PMFBP1: variants seen among roughly 807,000 people sequenced by gnomAD.
PMFBP1 encodes polyamine-modulated factor 1-binding protein 1.
PMFBP1 carries 131 observed loss-of-function variants against 137.8 expected under a neutral mutation model. The observed-to-expected ratio is 0.95, with a 90% CI of 0.82 to 1.10. PMFBP1 has a LOEUF of 1.10. Among genes scored for constraint, PMFBP1 ranks in the 50% least tolerant of loss-of-function variants. The pLI, the probability that PMFBP1 is intolerant of heterozygous loss-of-function variation, is 0.00. For missense variants in PMFBP1, 1,199 were observed against 1,175.4 expected (o/e 1.02, Z -0.29); for synonymous variants, 490 against 450.4 (o/e 1.09, Z -1.11).
chr16:72,156,446 G>A (rs1211976566), intron 3 of PMFBP1, among the ~76,000 whole-genome samples: 2 of 151,678 alleles, frequency 1.3e-5, no homozygotes, highest in South Asian at 2.1e-4. Flanking sequence ...GTGAAACCCC[G>A]TCTCCACTAA....
Position 72,124,815 on chromosome 16 carries a change from C to T in PMFBP1, c.2541G>A (p.Gln847=), listed in dbSNP as rs752567331. ...AAKEEQLREF[Q]EEMAALKENL... Reference sequence around the variant, plus strand: ...TCTCTTTTAAGGCGGCCATCTCCTCCTGGAACTCCCTGAGCTGCTCCTCTT... The same window carrying T: ...TCTCTTTTAAGGCGGCCATCTCCTCTTGGAACTCCCTGAGCTGCTCCTCTT... Residue 847 remains glutamine, a synonymous_variant, in exon 17 of 21, where the codon CAG becomes CAA. Transcript: ENST00000237353. 11 of 1,614,062 alleles carry T rather than the reference C, an allele frequency of 6.8e-6. No individual in the cohort carries two copies. The African/African-American group carries it at 1.3e-4, about 20-fold the overall frequency.
chr16:72,149,262 G>C (rs1158278731), intron 5 of PMFBP1, among the ~76,000 whole-genome samples: 1 of 152,208 alleles, frequency 6.6e-6, no homozygotes, highest in Non-Finnish European at 1.5e-5. Context: ...AAAACGTACA[G>C]TGTGGATGGG....
chr16:72,156,476 C>T (rs1159825752), intron 3 of PMFBP1, among the ~76,000 whole-genome samples: 2 of 151,866 alleles, frequency 1.3e-5, no homozygotes, highest in East Asian at 3.9e-4. Context: ...AAAAATTAGC[C>T]AGGCGTGGTG....
chr16:72,128,571 T>C, intron 14 of PMFBP1, 86 bp downstream of exon 14: 3 of 1,610,784 alleles, frequency 1.9e-6, no homozygotes, highest in Non-Finnish European at 2.5e-6. Flanking sequence ...GCTGCATTTC[T>C]GTGTGGAGGA....
chr16:72,242,804 T>C, the PMFBP1 span, among the ~76,000 whole-genome samples: 1 of 152,188 alleles, frequency 6.6e-6, no homozygotes, highest in Non-Finnish European at 1.5e-5. Context: ...CTGGCCCATA[T>C]AAAAAGGCAG....
In PMFBP1 at chr16:72,136,839, G is replaced by C; in HGVS notation, c.919-20C>G. On this transcript the variant is annotated intron_variant, in intron 7 of 20. Coordinates refer to ENST00000237353, the MANE Select transcript of PMFBP1 (RefSeq NM_031293.3). ...CAGTATCTGGCAGATGGAAGAACAG[G>C]GCAGGATGAGGAGATGAGAGACAAT... is the stretch of plus-strand genomic sequence containing the variant. 1.2e-6 allele frequency: 2 copies of C among 1,613,850 alleles called. No homozygotes were observed. The highest frequency in any genetic ancestry group is 8.5e-7 in the Non-Finnish European group (1 of 1,180,012).
At chr16:72,141,083 T>TG (rs1486325776) in intron 5 of PMFBP1, among the ~76,000 whole-genome samples, 4 of 152,004 alleles carry the variant, frequency 2.6e-5, no homozygotes, top group African/African-American at 7.2e-5. Context: ...TACAGGCATG[T>TG]GCCACCATGC....
intron 19 of PMFBP1, among the ~76,000 whole-genome samples, chr16:72,121,319 T>C (rs1301736193): frequency 6.6e-6 from 1 of 151,904 alleles, no homozygotes; most frequent in East Asian, 1.9e-4. Flanking sequence ...GGAGAGGGGG[T>C]CTCAGCAGTG....
chr16:72,122,913 C>T lies in PMFBP1; in HGVS notation c.2768+1G>A, dbSNP rs747605148. The T allele has an allele frequency of 1.2e-6, 2 of 1,612,748 alleles. No individual in the cohort carries two copies. Among genetic ancestry groups the T allele is most frequent in the African/African-American group, 1.3e-5 (1 of 74,908 alleles). ...AGCCAGGGTGGTTTAAGATGACTTA[C>T]TCCTTTTCGCCACTCAGCTTGGCAA... On this transcript the variant is annotated splice_donor_variant, in intron 19 of 20. Transcript: ENST00000237353. LOFTEE classifies it high-confidence loss of function.
chr16:72,203,250 T>C, the PMFBP1 span, among the ~76,000 whole-genome samples: 1 of 152,270 alleles, frequency 6.6e-6, no homozygotes, highest in Non-Finnish European at 1.5e-5. Flanking sequence ...TTTCTGCTTT[T>C]AGCAGAAAAT....
the PMFBP1 span, among the ~76,000 whole-genome samples, chr16:72,214,973 A>T: frequency 6.6e-6 from 1 of 152,242 alleles, no homozygotes; most frequent in Admixed American, 6.5e-5. Context: ...AATAAAAATC[A>T]GTCCTTGAGA....
the PMFBP1 span, among the ~76,000 whole-genome samples, chr16:72,200,275 A>G: frequency 6.6e-6 from 1 of 152,232 alleles, no homozygotes; most frequent in Non-Finnish European, 1.5e-5. Context: ...CTATCCTTTA[A>G]CTGGCAGAGT....
chr16:72,117,034 CAA>C (rs35283042), downstream of PMFBP1, among the ~76,000 whole-genome samples: 15 of 117,068 alleles, frequency 1.3e-4, no homozygotes, highest in East Asian at 2.6e-4. Flanking sequence ...CCTATTTCTG[CAA>C]AAAAAAAAAA....
At chr16:72,137,835 C>T (rs776467194) in intron 7 of PMFBP1, among the ~76,000 whole-genome samples, 5 of 152,002 alleles carry the variant, frequency 3.3e-5, no homozygotes, top group Non-Finnish European at 5.9e-5. Flanking sequence ...TTCAGAGCTG[C>T]TAGGAGGGAG....
intron 3 of PMFBP1, 137 bp downstream of exon 3, chr16:72,164,627 C>A: frequency 7.8e-7 from 1 of 1,274,790 alleles, no homozygotes. Flanking sequence ...GTGTTTAATT[C>A]TCTTAATTCT....
chr16:72,174,528 T>C (rs2043249983), upstream of PMFBP1, among the ~76,000 whole-genome samples: 1 of 152,198 alleles, frequency 6.6e-6, no homozygotes, highest in East Asian at 1.9e-4. Context: ...GTCACTGTCC[T>C]GGTCAGTAGG....
Position 72,130,441 on chromosome 16 carries a change from G to C in PMFBP1, c.1638-84C>G, listed in dbSNP as rs1355549830. ...GGAGCTGACCCAATGGGAAATCCTT[G>C]CTCTCCCACGCCTGGGCAGCTGCCC... On this transcript the variant is annotated intron_variant, in intron 11 of 20. Coordinates refer to ENST00000237353, the MANE Select transcript of PMFBP1 (RefSeq NM_031293.3). The C allele has an allele frequency of 4.4e-6, 7 of 1,606,400 alleles. No individual in the cohort carries two copies. In the African/African-American group the frequency reaches 5.4e-5, roughly 12 times the overall value.
intron 3 of PMFBP1, among the ~76,000 whole-genome samples, chr16:72,160,974 T>C (rs559662911): frequency 1.4e-3 from 219 of 152,298 alleles, no homozygotes; most frequent in South Asian, 5.2e-3. Flanking sequence ...TTAGCACAGA[T>C]GAGGACTAAC....
the PMFBP1 span, among the ~76,000 whole-genome samples, chr16:72,240,450 A>G: frequency 6.6e-6 from 1 of 152,366 alleles, no homozygotes; most frequent in East Asian, 1.9e-4. Context: ...CTTCTAATAG[A>G]ATTCCTGACT....
Sources: gnomAD v4.1 joint callset for allele counts (sites outside exome capture counted in the v4.1 genomes callset) on GRCh38, gnomAD v4.1.1 for gene constraint, MANE v1.5 for transcripts, NCBI Gene and HGNC (gene_info 2026-07-23, HGNC 2026-07-21) for gene names.